TBCD: variants seen among roughly 807,000 people sequenced by gnomAD.
The protein encoded by TBCD is tubulin folding cofactor D.
Under a neutral mutation model 169.3 loss-of-function variants are expected in TBCD, and 105 were observed. That is an observed-to-expected ratio of 0.62 (90% CI 0.53 to 0.73). TBCD has a LOEUF of 0.73. Ranked by LOEUF, TBCD falls within the 30% of genes least tolerant of loss-of-function variation. The pLI is 0.00. For synonymous variants in TBCD, 700 were observed against 643.9 expected (o/e 1.09, Z -1.32); for missense variants, 1,444 against 1,600.1 (o/e 0.90, Z 1.66).
rs1400268742 is a variant in TBCD, at chr17:82,919,895, A to G, written c.2039-661A>G. On this transcript the variant is annotated intron_variant, in intron 23 of 38. Coordinates refer to ENST00000355528, the MANE Select transcript of TBCD (RefSeq NM_005993.5). ...CTTGTTCACGGTGACAAAAAATGGA[A>G]GGAGAGTTTAGTCCCTCAGGAGAAA... 4.6e-5 allele frequency among the ~76,000 whole-genome samples: 7 copies of G among 152,294 alleles called. No homozygotes were observed. In the Middle Eastern group the frequency reaches 0.017, roughly 370 times the overall value.
In TBCD at chr17:82,831,758, G is replaced by C; in HGVS notation, c.1318+16824G>C. 1 of 1,614,192 alleles carries C rather than the reference G, an allele frequency of 6.2e-7. No individual in the cohort carries two copies. The highest frequency in any genetic ancestry group is 1.1e-5 in the South Asian group (1 of 91,088). On this transcript the variant is annotated intron_variant, in intron 13 of 38. Transcript: ENST00000355528. The surrounding 1 kb of genome is among the most constrained non-coding windows in gnomAD (Gnocchi z 4.6). ...TCTGGGATTGTGGGGTGCATGTAAGGGGAAATGGCCCCAAGCCCCTTTGTA... is the reference window on the plus strand; with the variant it reads ...TCTGGGATTGTGGGGTGCATGTAAGCGGAAATGGCCCCAAGCCCCTTTGTA...
Position 82,756,145 on chromosome 17 carries a change from C to T in TBCD, c.185-20C>T, listed in dbSNP as rs1228112028. Reference sequence around the variant, plus strand: ...GTTTGGCCTAGTGATAATTAATTTTCATGTTATATTTGTTTTTAGTAATAA... The same window carrying T: ...GTTTGGCCTAGTGATAATTAATTTTTATGTTATATTTGTTTTTAGTAATAA... On this transcript the variant is annotated intron_variant, in intron 1 of 38. Transcript: ENST00000355528. The T allele has an allele frequency of 1.3e-6, 2 of 1,592,208 alleles. No individual in the cohort carries two copies. The highest frequency in any genetic ancestry group is 1.7e-5 in the Admixed American group (1 of 57,290).
At chr17:82,860,311 C>T (rs1429470173) in intron 13 of TBCD, 7 of 950,470 alleles carry the variant, frequency 7.4e-6, no homozygotes, top group Non-Finnish European at 7.5e-6. Flanking sequence ...GGTCACGCTG[C>T]GCTGAGCGTC....
At chr17:82,933,578 G>A (rs1310100859) in intron 34 of TBCD, among the ~76,000 whole-genome samples, 1 of 151,200 alleles carries the variant, frequency 6.6e-6, no homozygotes, top group Non-Finnish European at 1.5e-5. Flanking sequence ...GGCACGTTGG[G>A]TCATCCGGAG....
intron 14 of TBCD, among the ~76,000 whole-genome samples, chr17:82,883,289 T>C (rs546908466): frequency 1.3e-5 from 2 of 152,382 alleles, no homozygotes; most frequent in South Asian, 4.1e-4. Context: ...AATTCTGTTT[T>C]CCACCTTTTC....
chr17:82,827,944 CGATTG>C, intron 13 of TBCD, among the ~76,000 whole-genome samples: 1 of 148,170 alleles, frequency 6.7e-6, no homozygotes, highest in Admixed American at 6.8e-5. Context: ...GACACCCACA[CGATTG>C]AATGTGCATA....
At chr17:82,866,348 G>C (rs764493308) in intron 13 of TBCD, among the ~76,000 whole-genome samples, 2 of 152,206 alleles carry the variant, frequency 1.3e-5, no homozygotes, top group Non-Finnish European at 2.9e-5. Context: ...AGAGCCAAGA[G>C]GCTTGGTTTT....
At chr17:82,817,252 T>C (rs1005233574) in intron 13 of TBCD, among the ~76,000 whole-genome samples, 1 of 152,090 alleles carries the variant, frequency 6.6e-6, no homozygotes, top group Non-Finnish European at 1.5e-5. Flanking sequence ...CACCTTAGCT[T>C]CCCAAGTAGT....
At chr17:82,779,019 TA>T (rs2048777994) in intron 6 of TBCD, among the ~76,000 whole-genome samples, 1 of 151,130 alleles carries the variant, frequency 6.6e-6, no homozygotes, top group Non-Finnish European at 1.5e-5. Context: ...TTTATTTATT[TA>T]TTTATTTATT....
At position 82,899,247 on chromosome 17, in the gene TBCD, CACGTGTCCTCAGCGT is replaced by C. The variant is rs1375976047; in HGVS notation, c.1650-1403_1650-1389del. On this transcript the variant is annotated intron_variant, in intron 17 of 38. Coordinates refer to ENST00000355528, the MANE Select transcript of TBCD (RefSeq NM_005993.5). ...GTGTCCTCAGCGCATGTCCTCAGCG[CACGTGTCCTCAGCGT>C]GCGTGTCCTCAGCGCGTGTGTCCTC... Among the ~76,000 whole-genome samples the C allele has an allele frequency of 2.0e-3, 290 of 147,510 alleles. 3 individuals are homozygous for C. The highest frequency in any genetic ancestry group is 7.3e-3 in the African/African-American group (284 of 38,692).
chr17:82,787,384 A>G (rs2049395362), intron 7 of TBCD, among the ~76,000 whole-genome samples: 1 of 152,252 alleles, frequency 6.6e-6, no homozygotes, highest in Non-Finnish European at 1.5e-5. Flanking sequence ...TCCTGGGGCC[A>G]GCACGTCCCT....
chr17:82,764,043 T>G lies in TBCD; in HGVS notation c.314T>G (p.Phe105Cys). The change falls in exon 3 of 39, where the codon TTT (phenylalanine) becomes TGT (cysteine). Residue 105 changes from phenylalanine (F) to cysteine (C), a missense_variant. Coordinates refer to ENST00000355528, the MANE Select transcript of TBCD (RefSeq NM_005993.5). Reference protein sequence around the residue: ...PASLVHLAFKFLYIITKVRGY... With the variant: ...PASLVHLAFKCLYIITKVRGY... ...TCCCTTGTACATCTGGCTTTTAAAT[T>G]TCTTTACATCATCACCAAGGTAACA... 1 of 1,613,724 alleles carries G rather than the reference T, an allele frequency of 6.2e-7. No homozygotes were observed. Among genetic ancestry groups the G allele is most frequent in the Non-Finnish European group, 8.5e-7 (1 of 1,179,698 alleles).
chr17:82,925,354 A>T (rs1216378875), intron 27 of TBCD, among the ~76,000 whole-genome samples: 1 of 152,216 alleles, frequency 6.6e-6, no homozygotes, highest in Non-Finnish European at 1.5e-5. Flanking sequence ...TGAGGAGAAC[A>T]CAGTTGCCTT....
chr17:82,858,972 G>A (rs1465822747), intron 13 of TBCD, among the ~76,000 whole-genome samples: 1 of 152,252 alleles, frequency 6.6e-6, no homozygotes, highest in Non-Finnish European at 1.5e-5. Context: ...TGGGCCGTGA[G>A]GCCGGGGCCA....
intron 15 of TBCD, among the ~76,000 whole-genome samples, chr17:82,885,787 T>C (rs56405605): frequency 0.27 from 40,416 of 152,066 alleles, 6,089 homozygotes; most frequent in Admixed American, 0.34. Flanking sequence ...TCCCTTTAAA[T>C]TGGCAATAAA....
intron 19 of TBCD, 38 bp from the exon 20 acceptor site, chr17:82,905,898 C>G: frequency 6.5e-7 from 1 of 1,542,674 alleles, no homozygotes; most frequent in Non-Finnish European, 8.9e-7. Flanking sequence ...TCCACATGTA[C>G]ACACCCTCAC....
intron 13 of TBCD, among the ~76,000 whole-genome samples, chr17:82,856,721 CGG>C: frequency 6.7e-6 from 1 of 150,330 alleles, no homozygotes; most frequent in East Asian, 2.0e-4. Context: ...GCATCCAGGG[CGG>C]GATCGCTGGA....
At chr17:82,752,457 C>T (rs896207180) in intron 1 of TBCD, 80 bp downstream of exon 1, 27 of 1,096,622 alleles carry the variant, frequency 2.5e-5, no homozygotes, top group African/African-American at 2.2e-4. Context: ...GGGCGGGGAC[C>T]GCAGCCCGGC....
In TBCD at chr17:82,930,127, C is replaced by CGG. The variant is rs1319590041; in HGVS notation, c.2992-393_2992-392dup. 1 of 277,874 alleles carries CGG rather than the reference C, an allele frequency of 3.6e-6. No individual in the cohort carries two copies. The highest frequency in any genetic ancestry group is 4.2e-5 in the South Asian group (1 of 23,978). The allele number at this position is 277,874 out of a possible 1,614,324, so 17.2% of individuals were successfully genotyped here. On this transcript the variant is annotated intron_variant, in intron 32 of 38. Coordinates refer to ENST00000355528, the MANE Select transcript of TBCD (RefSeq NM_005993.5). This position sits in a 1 kb window ranked among gnomAD's most constrained non-coding sequence, Gnocchi z 5.2. ...GACGTGAGGTGCCCTCTGCGCCGTG[C>CGG]GGGCGCGTGCGGGGAGACCCGGGCC... is the stretch of plus-strand genomic sequence containing the variant.
Sources: allele counts gnomAD v4.1 joint callset (sites outside exome capture counted in the v4.1 genomes callset), GRCh38; gene constraint gnomAD v4.1.1; non-coding constraint Gnocchi (gnomAD v3.1); transcripts MANE v1.5; gene names NCBI Gene and HGNC (gene_info 2026-07-23, HGNC 2026-07-21).